ENTREP2: variants seen among roughly 807,000 people sequenced by gnomAD.
ENTREP2 encodes the protein protein ENTREP2.
chr15:29,356,268 G>GTGTATATATA, the ENTREP2 span, among the ~76,000 whole-genome samples: 11 of 57,612 alleles, frequency 1.9e-4, no homozygotes, highest in African/African-American at 7.7e-4. Flanking sequence ...GTGTGTGTGT[G>GTGTATATATA]TATATATATA....
At chr15:29,656,044 C>A in the ENTREP2 span, among the ~76,000 whole-genome samples, 3,069 of 119,694 alleles carry the variant, frequency 0.026, 116 homozygotes, top group African/African-American at 0.098. Context: ...AAAAAAAAAA[C>A]AACTATGTAG....
chr15:29,284,556 C>CAAAAAAAAAAAAAAAAAAAAAAAAAAA, the ENTREP2 span, among the ~76,000 whole-genome samples: 1 of 125,488 alleles, frequency 8.0e-6, no homozygotes, highest in African/African-American at 3.4e-5. Context: ...GACTCCATCT[C>CAAAAAAAAAAAAAAAAAAAAAAAAAAA]AAAAAAAAAA....
chr15:29,279,571 G>A, the ENTREP2 span, among the ~76,000 whole-genome samples: 11 of 151,956 alleles, frequency 7.2e-5, no homozygotes, highest in African/African-American at 2.2e-4. Context: ...CACCATGTTG[G>A]CCAGGATGGT....
chr15:29,444,237 A>G, the ENTREP2 span, among the ~76,000 whole-genome samples: 2 of 150,720 alleles, frequency 1.3e-5, no homozygotes, highest in Non-Finnish European at 3.0e-5. Context: ...AAAGAAAGAA[A>G]GAAAGAAAGA....
chr15:29,503,195 A>G, the ENTREP2 span, among the ~76,000 whole-genome samples: 4 of 152,164 alleles, frequency 2.6e-5, no homozygotes, highest in Non-Finnish European at 5.9e-5. Context: ...AAAGAAACCA[A>G]ATGTTCATCA....
At chr15:29,381,361 G>A in the ENTREP2 span, among the ~76,000 whole-genome samples, 7,249 of 148,642 alleles carry the variant, frequency 0.049, 254 homozygotes, top group Non-Finnish European at 0.051. Context: ...GGAGGCTGAG[G>A]CAGAGAATCA....
chr15:29,647,834 C>T, the ENTREP2 span, among the ~76,000 whole-genome samples: 3 of 152,094 alleles, frequency 2.0e-5, no homozygotes, highest in South Asian at 4.1e-4. Flanking sequence ...GAAAAATGAC[C>T]ATTTTGCCAA....
chr15:29,584,137 T>C, the ENTREP2 span, among the ~76,000 whole-genome samples: 1 of 152,108 alleles, frequency 6.6e-6, no homozygotes, highest in East Asian at 1.9e-4. Flanking sequence ...ATGTATCGCT[T>C]AAGGGTCTAA....
the ENTREP2 span, among the ~76,000 whole-genome samples, chr15:29,298,843 C>G: frequency 6.6e-6 from 1 of 152,118 alleles, no homozygotes; most frequent in Non-Finnish European, 1.5e-5. Flanking sequence ...AGAAAAAGAA[C>G]TATTCACTGT....
chr15:29,254,730 G>T, the ENTREP2 span, among the ~76,000 whole-genome samples: 3 of 152,038 alleles, frequency 2.0e-5, no homozygotes, highest in Non-Finnish European at 4.4e-5. Context: ...GGTGCTGCGC[G>T]CCTGTAATCC....
At chr15:29,310,575 G>A in the ENTREP2 span, among the ~76,000 whole-genome samples, 12 of 152,022 alleles carry the variant, frequency 7.9e-5, no homozygotes, top group African/African-American at 2.7e-4. Flanking sequence ...CCTCTGACAG[G>A]AGAAGAGAAA....
At chr15:29,513,095 C>T in the ENTREP2 span, among the ~76,000 whole-genome samples, 1 of 152,150 alleles carries the variant, frequency 6.6e-6, no homozygotes, top group Non-Finnish European at 1.5e-5. Flanking sequence ...TTTTGTGTGA[C>T]GTCTTAGCCT....
chr15:29,469,707 T>C, the ENTREP2 span, among the ~76,000 whole-genome samples: 728 of 152,330 alleles, frequency 4.8e-3, 3 homozygotes, highest in Non-Finnish European at 8.0e-3. Flanking sequence ...AGTTGTACAC[T>C]TCAACATGGT....
At chr15:29,314,804 C>T in the ENTREP2 span, among the ~76,000 whole-genome samples, 1 of 152,206 alleles carries the variant, frequency 6.6e-6, no homozygotes, top group Non-Finnish European at 1.5e-5. Flanking sequence ...GTAATCCCAG[C>T]ACTTTGGGAG....
chr15:29,366,960 A>G, the ENTREP2 span, among the ~76,000 whole-genome samples: 3 of 152,160 alleles, frequency 2.0e-5, no homozygotes, highest in African/African-American at 7.2e-5. Context: ...CTAGCTAAAG[A>G]CCTTTAAAGA....
the ENTREP2 span, among the ~76,000 whole-genome samples, chr15:29,629,660 TTTG>T: frequency 1.2e-4 from 18 of 152,222 alleles, no homozygotes; most frequent in Admixed American, 1.1e-3. Context: ...CATTATAATG[TTTG>T]TTTTAACCAT....
At chr15:29,266,637 A>AT in the ENTREP2 span, 1 of 152,222 alleles carries the variant, frequency 6.6e-6, no homozygotes, top group Non-Finnish European at 1.5e-5. Flanking sequence ...AGCAAGTTGC[A>AT]TAAGGACACA....
the ENTREP2 span, among the ~76,000 whole-genome samples, chr15:29,405,201 C>T: frequency 2.0e-5 from 3 of 152,070 alleles, no homozygotes; most frequent in Non-Finnish European, 4.4e-5. Flanking sequence ...CCAGCCTGGC[C>T]AACATGGTGA....
At chr15:29,134,128 A>G in the ENTREP2 span, among the ~76,000 whole-genome samples, 1 of 152,138 alleles carries the variant, frequency 6.6e-6, no homozygotes, top group African/African-American at 2.4e-5. Flanking sequence ...GACAACTATT[A>G]TCACAGCCAA....
Sources: allele counts gnomAD v4.1 joint callset (sites outside exome capture counted in the v4.1 genomes callset), GRCh38; gene constraint gnomAD v4.1.1; transcripts MANE v1.5; gene names NCBI Gene and HGNC (gene_info 2026-07-23, HGNC 2026-07-21).